PWWP3A: variants seen among roughly 807,000 people sequenced by gnomAD.
The protein encoded by PWWP3A is PWWP domain containing 3A, DNA repair factor, also known as PWWP domain-containing DNA repair factor 3A.
PWWP3A carries 53 observed loss-of-function variants against 79.0 expected under a neutral mutation model. That is an observed-to-expected ratio of 0.67 (90% confidence interval 0.54 to 0.84). PWWP3A has a LOEUF of 0.84. Among genes scored for constraint, PWWP3A ranks in the 40% least tolerant of loss-of-function variants. PWWP3A has a pLI of 0.00. For missense variants in PWWP3A, 973 were observed against 948.0 expected (o/e 1.03, Z -0.35); for synonymous variants, 443 against 394.4 (o/e 1.12, Z -1.46).
chr19:1,357,183 A>C, intron 3 of PWWP3A, 89 bp downstream of exon 3: 1 of 952,980 alleles, frequency 1.0e-6, no homozygotes, highest in Admixed American at 2.4e-5. Context: ...GTTGAAGCCC[A>C]GCCCACTCTT....
intron 13 of PWWP3A, 104 bp downstream of exon 13, chr19:1,373,264 C>G (rs969507639): frequency 2.0e-6 from 2 of 1,006,416 alleles, no homozygotes; most frequent in East Asian, 2.5e-5. Flanking sequence ...CAGCCCCTCT[C>G]CCTCATGAGG....
intron 12 of PWWP3A, chr19:1,372,813 T>G (rs2082290343): frequency 2.4e-6 from 1 of 411,938 alleles, no homozygotes; most frequent in Non-Finnish European, 4.3e-6. Flanking sequence ...CTCTTGTGGG[T>G]TTGGGTCTTG....
intron 13 of PWWP3A, among the ~76,000 whole-genome samples, chr19:1,376,118 T>G (rs990421787): frequency 2.2e-5 from 3 of 136,112 alleles, no homozygotes; most frequent in African/African-American, 8.6e-5. Context: ...CTCTCTGTCA[T>G]ACTCTTTTTT....
At chr19:1,364,922 C>T (rs2082096393) in intron 7 of PWWP3A, among the ~76,000 whole-genome samples, 1 of 152,142 alleles carries the variant, frequency 6.6e-6, no homozygotes, top group South Asian at 2.1e-4. Context: ...AGTTCGAGAC[C>T]AGCCTGGCCA....
chr19:1,371,362 G>C, intron 12 of PWWP3A: 1 of 703,550 alleles, frequency 1.4e-6, no homozygotes, highest in Non-Finnish European at 2.6e-6. Flanking sequence ...CCCTACTGCG[G>C]GCGCACAGAT....
Position 1,371,086 on chromosome 19 carries a change from G to GCGGACT in PWWP3A, c.1986+13_1986+14insTCGGAC. The GCGGACT allele has an allele frequency of 6.4e-7, 1 of 1,554,482 alleles. No individual in the cohort carries two copies. Among genetic ancestry groups the GCGGACT allele is most frequent in the Non-Finnish European group, 8.7e-7 (1 of 1,148,674 alleles). ...GACGTGCTTCTGCCCGAGGTGAGCC[G>GCGGACT]CGGACCGGCGTGTCACGTGGGCAGG... On this transcript the variant is annotated intron_variant, in intron 12 of 13. Transcript: ENST00000591337.
intron 1 of PWWP3A, among the ~76,000 whole-genome samples, chr19:1,355,352 G>A (rs910855592): frequency 6.6e-6 from 1 of 151,696 alleles, no homozygotes; most frequent in East Asian, 1.9e-4. Context: ...CTGCCGCCCG[G>A]ACCCCATCTC....
At chr19:1,355,505 C>G (rs1457165013) in intron 1 of PWWP3A, among the ~76,000 whole-genome samples, 5 of 118,624 alleles carry the variant, frequency 4.2e-5, no homozygotes, top group Admixed American at 1.8e-4. Context: ...GTGAAATCCC[C>G]CATCCCTGCC....
intron 4 of PWWP3A, 123 bp downstream of exon 4, chr19:1,358,587 G>A (rs1181147918): frequency 6.3e-7 from 1 of 1,591,436 alleles, no homozygotes; most frequent in Non-Finnish European, 8.5e-7. Context: ...CTTCATACAA[G>A]GGAACGCGAA....
intron 13 of PWWP3A, among the ~76,000 whole-genome samples, chr19:1,376,295 G>GTTTTTTGTTTTTTTT (rs2082393829): frequency 1.5e-5 from 1 of 67,048 alleles, no homozygotes; most frequent in South Asian, 6.3e-4. Flanking sequence ...CCGGCTGTTT[G>GTTTTTTGTTTTTTTT]TTTTTTTTTT....
chr19:1,360,914 A>G lies in PWWP3A; in HGVS notation c.993A>G (p.Pro331=), dbSNP rs777885813. The G allele has an allele frequency of 4.0e-5, 62 of 1,539,054 alleles. No homozygotes were observed. Among genetic ancestry groups the G allele is most frequent in the Non-Finnish European group, 2.6e-5 (30 of 1,141,854 alleles). The stretch of plus-strand genomic sequence containing the variant: ...CCGCACCATCCCCCGGGCCGGGGCC[A>G]GGGCCCAGAGAGTCTGTGACCCCGC... ...AGAAPSPGPG[P]GPRESVTPRS... Residue 331 remains proline, a synonymous_variant, in exon 5 of 14, where the codon CCA becomes CCG. Coordinates refer to ENST00000591337, the MANE Select transcript of PWWP3A (RefSeq NM_001369789.1). This position sits in a 1 kb window ranked among gnomAD's most constrained non-coding sequence, Gnocchi z 4.4.
At position 1,370,989 on chromosome 19, in the gene PWWP3A, C is replaced by G; in HGVS notation, c.1897C>G (p.Gln633Glu). 1 of 1,567,144 alleles carries G rather than the reference C, an allele frequency of 6.4e-7. No individual in the cohort carries two copies. The highest frequency in any genetic ancestry group is 1.4e-5 in the African/African-American group (1 of 73,966). Residue 633 changes from glutamine to glutamate, a missense_variant, in exon 12 of 14, where the codon CAG becomes GAG. By Grantham distance (29) the Gln-to-Glu change is conservative (BLOSUM62 2). Coordinates refer to ENST00000591337, the MANE Select transcript of PWWP3A (RefSeq NM_001369789.1). The stretch of plus-strand genomic sequence containing the variant: ...GCTGGACCTGGTGGTGAAGTACCTG[C>G]AGGGCGTCTACCAGGAGGTGGGGGC... ...GQLDLVVKYL[Q>E]GVYQEVGAKV...
At chr19:1,361,389 A>G (rs533281340) in intron 5 of PWWP3A, among the ~76,000 whole-genome samples, 2 of 152,358 alleles carry the variant, frequency 1.3e-5, no homozygotes, top group Non-Finnish European at 2.9e-5. Flanking sequence ...TTTTAACGGA[A>G]GCAGTAACGC....
rs575112682 is a variant in PWWP3A, at chr19:1,355,066, C to G, written c.-139C>G. The G allele has an allele frequency of 6.6e-6, 1 of 151,222 alleles. No homozygotes were observed. The highest frequency in any genetic ancestry group is 1.5e-5 in the Non-Finnish European group (1 of 67,434). 9.4% of individuals were successfully genotyped at this position (151,222 alleles called of 1,614,324 possible). ...CGGCAGCGGTTGGCGGGCGGGTCCT[C>G]CGCTGTTGCGGCCGCTGCGGCCTCC... On this transcript the variant is annotated 5_prime_UTR_variant, in exon 1 of 14. Transcript: ENST00000591337.
chr19:1,358,774 G>C lies in PWWP3A; in HGVS notation c.214+310G>C, dbSNP rs145541401. 5.1e-3 allele frequency: 4,835 copies of C among 946,962 alleles called. 26 individuals are homozygous for C. The highest frequency in any genetic ancestry group is 6.9e-3 in the Non-Finnish European group (4,451 of 641,964). 58.7% of individuals were successfully genotyped at this position (946,962 alleles called of 1,614,324 possible). ...CGAGGAAGGACTTTGCTGCCATAAGGGGGGAGGTCCTCCTTTTTCCTTTCC... is the reference window on the plus strand; with the variant it reads ...CGAGGAAGGACTTTGCTGCCATAAGCGGGGAGGTCCTCCTTTTTCCTTTCC... On this transcript the variant is annotated intron_variant, in intron 4 of 13. Coordinates refer to ENST00000591337, the MANE Select transcript of PWWP3A (RefSeq NM_001369789.1).
At chr19:1,363,531 C>T (rs192630284) in intron 6 of PWWP3A, among the ~76,000 whole-genome samples, 9 of 152,336 alleles carry the variant, frequency 5.9e-5, no homozygotes, top group Admixed American at 2.0e-4. Flanking sequence ...TTTCCGACCA[C>T]GCTGCCCCAC....
Position 1,369,589 on chromosome 19 carries a change from C to T in PWWP3A, c.1499-7C>T, listed in dbSNP as rs202147693. Reference sequence around the variant, plus strand: ...ACACAGTGCTCTCTCCCCTCCACCCCCTGCAGGCTGCGGGTCTTTTGCTGG... The same window carrying T: ...ACACAGTGCTCTCTCCCCTCCACCCTCTGCAGGCTGCGGGTCTTTTGCTGG... On this transcript the variant is annotated splice_polypyrimidine_tract_variant and splice_region_variant and intron_variant, in intron 10 of 13. Coordinates refer to ENST00000591337, the MANE Select transcript of PWWP3A (RefSeq NM_001369789.1). This position sits in a 1 kb window ranked among gnomAD's most constrained non-coding sequence, Gnocchi z 4.0. The T allele has an allele frequency of 3.7e-6, 6 of 1,614,070 alleles. No homozygotes were observed. In the African/African-American group the frequency reaches 4.0e-5, roughly 11 times the overall value.
Position 1,360,513 on chromosome 19 carries a change from G to A in PWWP3A, c.592G>A (p.Ala198Thr). The change falls in exon 5 of 14, where the codon GCC becomes ACC. Residue 198 changes from alanine (A) to threonine (T), a missense_variant. Transcript: ENST00000591337. This position sits in a 1 kb window ranked among gnomAD's most constrained non-coding sequence, Gnocchi z 4.4. Reference protein sequence around the residue: ...GPLVLPAGGGAQDESGSRIHH... With the variant: ...GPLVLPAGGGTQDESGSRIHH... ...GTTGGTCCTCCCAGCTGGAGGTGGT[G>A]CCCAAGATGAGAGTGGGTCCAGAAT... 1.2e-6 allele frequency: 2 copies of A among 1,614,228 alleles called. No homozygotes were observed. Among genetic ancestry groups the A allele is most frequent in the Non-Finnish European group, 1.7e-6 (2 of 1,180,040 alleles).
chr19:1,376,443 C>T, intron 13 of PWWP3A, 76 bp from the exon 14 acceptor site: 1 of 1,490,680 alleles, frequency 6.7e-7, no homozygotes, highest in South Asian at 1.1e-5. Context: ...CGTGAGCGAC[C>T]ACACCCAGTC....
Sources: allele counts gnomAD v4.1 joint callset (sites outside exome capture counted in the v4.1 genomes callset), GRCh38; gene constraint gnomAD v4.1.1; non-coding constraint Gnocchi (gnomAD v3.1); transcripts MANE v1.5; gene names NCBI Gene and HGNC (gene_info 2026-07-23, HGNC 2026-07-21).